ARL3: variants seen among roughly 807,000 people sequenced by gnomAD.
ARL3 encodes the protein ADP-ribosylation factor-like protein 3.
A neutral mutation model predicts 26.0 loss-of-function variants in ARL3; 9 were observed. That is an observed-to-expected ratio of 0.35 (90% CI 0.21 to 0.60). The LOEUF is 0.60. ARL3 is among the 20% of genes least tolerant of loss of function. The pLI, the probability that ARL3 is intolerant of heterozygous loss-of-function variation, is 0.78. For synonymous variants in ARL3, 71 were observed against 78.4 expected, an observed-to-expected ratio of 0.91 and a Z score of 0.50; for missense variants, 158 against 215.7, an observed-to-expected ratio of 0.73 and a Z score of 1.67.
At chr10:102,680,923 C>T (rs1227255339) in intron 5 of ARL3, among the ~76,000 whole-genome samples, 1 of 152,098 alleles carries the variant, frequency 6.6e-6, no homozygotes, top group Non-Finnish European at 1.5e-5. Flanking sequence ...AAGGGCATTG[C>T]ACCAGAAAGG....
intron 2 of ARL3, among the ~76,000 whole-genome samples, chr10:102,704,340 A>AT: frequency 6.6e-6 from 1 of 152,002 alleles, no homozygotes; most frequent in South Asian, 2.1e-4. Context: ...AGATAAAGCT[A>AT]TTTTTTAAAA....
At chr10:102,712,909 G>A (rs993476398) in intron 1 of ARL3, among the ~76,000 whole-genome samples, 1 of 151,976 alleles carries the variant, frequency 6.6e-6, no homozygotes, top group Admixed American at 6.6e-5. Context: ...AAAAAAAACT[G>A]CAAGTGTAGC....
intron 3 of ARL3, among the ~76,000 whole-genome samples, chr10:102,693,314 A>C (rs1266899784): frequency 1.3e-5 from 2 of 152,180 alleles, no homozygotes; most frequent in African/African-American, 4.8e-5. Flanking sequence ...CCAGCAATGA[A>C]GAGGAGTCCC....
At chr10:102,700,311 A>C (rs1442616555) in intron 2 of ARL3, among the ~76,000 whole-genome samples, 1 of 149,592 alleles carries the variant, frequency 6.7e-6, no homozygotes, top group Non-Finnish European at 1.5e-5. Flanking sequence ...CAGGATGCCG[A>C]GGCAAGAGAA....
chr10:102,678,157 T>G (rs1396310037), intron 5 of ARL3, among the ~76,000 whole-genome samples: 1 of 151,998 alleles, frequency 6.6e-6, no homozygotes, highest in African/African-American at 2.4e-5. Flanking sequence ...CTGACGGCTG[T>G]CCCAGAGCCG....
At chr10:102,688,850 C>T (rs1792668338) in intron 4 of ARL3, among the ~76,000 whole-genome samples, 1 of 152,044 alleles carries the variant, frequency 6.6e-6, no homozygotes, top group African/African-American at 2.4e-5. Context: ...TCAAAGTTAC[C>T]CCTGAATCAA....
intron 5 of ARL3, among the ~76,000 whole-genome samples, chr10:102,682,306 G>T (rs1349277513): frequency 6.6e-6 from 1 of 151,232 alleles, no homozygotes; most frequent in African/African-American, 2.4e-5. Flanking sequence ...CCTACTCTCT[G>T]CTCCTGATGG....
Position 102,676,728 on chromosome 10 carries a change from A to C in ARL3, c.*166T>G. On this transcript the variant is annotated 3_prime_UTR_variant, in exon 6 of 6. Coordinates refer to ENST00000260746, the MANE Select transcript of ARL3 (RefSeq NM_004311.4). The stretch of plus-strand genomic sequence containing the variant: ...GATACTGAACCTCAGAGATCAGTTA[A>C]ATCTACTGCTGGAATGGGGATTCTT... 1 of 669,640 alleles carries C rather than the reference A, an allele frequency of 1.5e-6. No homozygotes were observed. 41.5% of individuals were successfully genotyped at this position (669,640 alleles called of 1,614,324 possible). A position where few individuals can be genotyped will look rare whatever the true frequency, so the allele number is the denominator to read the frequency against.
intron 2 of ARL3, among the ~76,000 whole-genome samples, chr10:102,700,176 C>T (rs537848866): frequency 1.4e-4 from 21 of 152,008 alleles, no homozygotes; most frequent in South Asian, 6.2e-4. Context: ...TCTGGGAGGC[C>T]GAGGCGGATG....
At chr10:102,704,600 A>G (rs2064298459) in intron 2 of ARL3, among the ~76,000 whole-genome samples, 1 of 152,214 alleles carries the variant, frequency 6.6e-6, no homozygotes, top group Non-Finnish European at 1.5e-5. Context: ...AGATTGCACT[A>G]CCACACTTCA....
At chr10:102,702,597 C>A (rs141732173) in intron 2 of ARL3, among the ~76,000 whole-genome samples, 1 of 152,046 alleles carries the variant, frequency 6.6e-6, no homozygotes, top group Non-Finnish European at 1.5e-5. Flanking sequence ...GAAGTCTTCA[C>A]GTTAGTGTTC....
At chr10:102,698,708 A>G (rs1387134916) in intron 3 of ARL3, among the ~76,000 whole-genome samples, 1 of 152,198 alleles carries the variant, frequency 6.6e-6, no homozygotes, top group Non-Finnish European at 1.5e-5. Context: ...GCGAGCTGGG[A>G]GCTAAAATCT....
At chr10:102,678,524 C>A (rs1369912465) in intron 5 of ARL3, among the ~76,000 whole-genome samples, 1 of 152,134 alleles carries the variant, frequency 6.6e-6, no homozygotes, top group Non-Finnish European at 1.5e-5. Flanking sequence ...TCAGCACTTA[C>A]ATAGCACTTT....
chr10:102,681,600 T>G (rs2064156552), intron 5 of ARL3, among the ~76,000 whole-genome samples: 1 of 152,002 alleles, frequency 6.6e-6, no homozygotes, highest in African/African-American at 2.4e-5. Flanking sequence ...GACCTGCTCA[T>G]GGCTCCTGTC....
chr10:102,703,773 A>G (rs554538059), intron 2 of ARL3, among the ~76,000 whole-genome samples: 1 of 152,056 alleles, frequency 6.6e-6, no homozygotes, highest in South Asian at 2.1e-4. Context: ...CCACGCTGTG[A>G]GCACTATCAT....
In ARL3 at chr10:102,685,914, G is replaced by A. The variant is rs767828413; in HGVS notation, c.403C>T (p.Pro135Ser). 1.2e-6 allele frequency: 2 copies of A among 1,614,152 alleles called. No homozygotes were observed. Among genetic ancestry groups the A allele is most frequent in the Admixed American group, 1.7e-5 (1 of 60,010 alleles). ...ANKQDLLTAA[P>S]ASEIAEGLNL... ...AGTCCTTCTGCAATTTCAGAGGCAG[G>A]GGCTGCTGTGAGCAAATCCTGCTTA... The change falls in exon 5 of 6, where the codon CCT becomes TCT. Residue 135 changes from proline (P) to serine (S), a missense_variant. Coordinates refer to ENST00000260746, the MANE Select transcript of ARL3 (RefSeq NM_004311.4).
intron 4 of ARL3, among the ~76,000 whole-genome samples, chr10:102,686,273 C>T (rs7086474): frequency 1 from 151,720 of 151,994 alleles, 75,723 homozygotes; most frequent in East Asian, 1. Context: ...GGTTTTGCCA[C>T]GTTGGGCAGG....
intron 5 of ARL3, among the ~76,000 whole-genome samples, chr10:102,685,187 T>A (rs1003370822): frequency 4.2e-5 from 6 of 142,052 alleles, no homozygotes; most frequent in African/African-American, 1.6e-4. Context: ...AGGCGGAGGT[T>A]GCAGTGAGCC....
At chr10:102,680,603 G>A (rs968915909) in intron 5 of ARL3, among the ~76,000 whole-genome samples, 1 of 152,202 alleles carries the variant, frequency 6.6e-6, no homozygotes, top group African/African-American at 2.4e-5. Flanking sequence ...AAGGTGCACT[G>A]CTTCTTTCCA....
Sources: allele counts gnomAD v4.1 joint callset (sites outside exome capture counted in the v4.1 genomes callset), GRCh38; gene constraint gnomAD v4.1.1; transcripts MANE v1.5; gene names NCBI Gene and HGNC (gene_info 2026-07-23, HGNC 2026-07-21).